DYSF: variants seen among roughly 807,000 people sequenced by gnomAD.
DYSF encodes the protein dystrophy-associated fer-1-like 1.
A neutral mutation model predicts 274.9 loss-of-function variants in DYSF; 212 were observed. The ratio of observed to expected loss-of-function variants is 0.77; its 90% CI spans 0.69 to 0.86. The LOEUF (loss-of-function observed/expected upper bound fraction) is 0.86. DYSF is among the 40% of genes least tolerant of loss of function. The probability of loss-of-function intolerance (pLI) is 0.00; values close to 1 mark genes in which losing one functional copy is unlikely to be tolerated. For missense variants in DYSF, 2,666 were observed against 2,783.2 expected, an observed-to-expected ratio of 0.96 and a Z score of 0.95; for synonymous variants, 1,091 against 1,078.7, an observed-to-expected ratio of 1.01 and a Z score of -0.22.
intron 30 of DYSF, 95 bp downstream of exon 30, chr2:71,574,466 G>A (rs775251742): frequency 6.7e-7 from 1 of 1,483,028 alleles, no homozygotes; most frequent in African/African-American, 1.4e-5. Flanking sequence ...GGGACCCCAG[G>A]TTAGGACTTT....
chr2:71,573,079 C>T (rs962314961), intron 29 of DYSF, among the ~76,000 whole-genome samples: 7 of 152,248 alleles, frequency 4.6e-5, no homozygotes, highest in African/African-American at 1.7e-4. Context: ...TTCCTAAACA[C>T]ACATTTGAAT....
chr2:71,615,392 T>A lies in DYSF; in HGVS notation c.4464+1982T>A, dbSNP rs2093858523. On this transcript the variant is annotated intron_variant, in intron 40 of 55. Coordinates refer to ENST00000410020, the MANE Select transcript of DYSF (RefSeq NM_001130987.2). The surrounding 1 kb of genome is among the most constrained non-coding windows in gnomAD (Gnocchi z 4.9). ...ACAGGGGAGGAGGAGGAAATGACAC[T>A]GATTTGCTCTGATGGGGGAGGCTTG... Among the ~76,000 whole-genome samples the A allele has an allele frequency of 6.6e-6, 1 of 152,036 alleles. No homozygotes were observed. The highest frequency in any genetic ancestry group is 1.5e-5 in the Non-Finnish European group (1 of 67,994).
intron 47 of DYSF, among the ~76,000 whole-genome samples, chr2:71,665,957 C>T (rs1325900156): frequency 6.6e-6 from 1 of 152,202 alleles, no homozygotes; most frequent in East Asian, 1.9e-4. Flanking sequence ...CCCCTTGCCT[C>T]CTGGTTGCTT....
Position 71,480,752 on chromosome 2 carries a change from G to A in DYSF, c.92-131G>A, listed in dbSNP as rs549265211. 11 of 802,928 alleles carry A rather than the reference G, an allele frequency of 1.4e-5. No homozygotes were observed. In the Admixed American group the frequency reaches 1.8e-4, roughly 13 times the overall value. 49.7% of individuals were successfully genotyped at this position (802,928 alleles called of 1,614,324 possible). ...TCATTGCAGACTGGCGGGTTCTCAG[G>A]GAATCTGTTGATTTTGTAAGATTTC... On this transcript the variant is annotated intron_variant, in intron 1 of 55. Coordinates refer to ENST00000410020, the MANE Select transcript of DYSF (RefSeq NM_001130987.2).
At chr2:71,470,187 TC>T (rs1444246534) in intron 1 of DYSF, among the ~76,000 whole-genome samples, 10 of 152,046 alleles carry the variant, frequency 6.6e-5, no homozygotes, top group African/African-American at 2.4e-4. Context: ...AGCCTCCCCC[TC>T]CCACCTCTTC....
rs762255707 is a variant in DYSF, at chr2:71,528,335, T to G, written c.1314T>G (p.Phe438Leu). ...TGATGGACAACGTGAAACAGATCTT[T>G]GGCTTCGAGAGTAACAAGAAGAACT... ...DAVMDNVKQI[F>L]GFESNKKNLV... The change falls in exon 14 of 56, where the codon TTT (phenylalanine) becomes TTG (leucine). Residue 438 changes from phenylalanine (F) to leucine (L), a missense_variant. Around this residue, in one of 3 missense-constraint regions of DYSF, gnomAD observed 794 missense variants for 777.1 expected, o/e 1.02. Coordinates refer to ENST00000410020, the MANE Select transcript of DYSF (RefSeq NM_001130987.2). 1.9e-6 allele frequency: 3 copies of G among 1,614,178 alleles called. No homozygotes were observed. In the South Asian group the frequency reaches 3.3e-5, roughly 18 times the overall value.
At chr2:71,618,632 T>TGTGG (rs2094007439) in intron 40 of DYSF, among the ~76,000 whole-genome samples, 12 of 106,624 alleles carry the variant, frequency 1.1e-4, no homozygotes, top group South Asian at 3.2e-4. Context: ...GGTGTGTGTG[T>TGTGG]TACAGGAGGT....
intron 53 of DYSF, 126 bp downstream of exon 53, chr2:71,679,361 C>T (rs1450961479): frequency 5.4e-6 from 5 of 918,400 alleles, no homozygotes; most frequent in Admixed American, 2.3e-5. Context: ...CCTCTCCTGC[C>T]CCCATCCCCC....
Position 71,530,138 on chromosome 2 carries a change from G to A in DYSF, c.1380+1737G>A, listed in dbSNP as rs79549287. On this transcript the variant is annotated intron_variant, in intron 14 of 55. Transcript: ENST00000410020. ...TGTAGACTCAGGGTCCAGGTCTTACGCCCTGCGCCTGGCATCAGGAGGAAT... is the reference window on the plus strand; with the variant it reads ...TGTAGACTCAGGGTCCAGGTCTTACACCCTGCGCCTGGCATCAGGAGGAAT... 6.1e-3 allele frequency among the ~76,000 whole-genome samples: 872 copies of A among 143,352 alleles called. 8 individuals carry two copies. Among genetic ancestry groups the A allele is most frequent in the African/African-American group, 0.02 (825 of 40,492 alleles). The allele number at this position is 143,352 out of a possible 152,430, so 94.0% of individuals were successfully genotyped here.
At position 71,515,508 on chromosome 2, in the gene DYSF, T is replaced by G. The variant is rs909415043; in HGVS notation, c.760-115T>G. On this transcript the variant is annotated intron_variant, in intron 7 of 55. Coordinates refer to ENST00000410020, the MANE Select transcript of DYSF (RefSeq NM_001130987.2). ...TCTTCCTAATTCCTTTTTAATACTTTCCCCAAGAAGCCAGTGGTGAGATGG... is the reference window on the plus strand; with the variant it reads ...TCTTCCTAATTCCTTTTTAATACTTGCCCCAAGAAGCCAGTGGTGAGATGG... 2.7e-6 allele frequency: 4 copies of G among 1,468,482 alleles called. No individual in the cohort carries two copies. The African/African-American group carries it at 5.6e-5, about 21-fold the overall frequency. The allele number at this position is 1,468,482 out of a possible 1,614,324, so 91.0% of individuals were successfully genotyped here.
intron 13 of DYSF, among the ~76,000 whole-genome samples, chr2:71,526,670 C>G (rs530162355): frequency 2.6e-5 from 4 of 152,246 alleles, no homozygotes; most frequent in Admixed American, 6.5e-5. Context: ...AGGGCTGGCT[C>G]TCACTGATTT....
At chr2:71,594,210 G>C (rs1343952440) in intron 32 of DYSF, among the ~76,000 whole-genome samples, 2 of 152,082 alleles carry the variant, frequency 1.3e-5, no homozygotes, top group African/African-American at 2.4e-5. Flanking sequence ...TCTTGCTTTT[G>C]GGTTTCCCAA....
intron 12 of DYSF, 34 bp downstream of exon 12, chr2:71,520,938 C>T: frequency 6.3e-7 from 1 of 1,596,872 alleles, no homozygotes; most frequent in Non-Finnish European, 8.6e-7. Context: ...CCTTACGGTC[C>T]CCCACGCGGC....
intron 20 of DYSF, 54 bp from the exon 21 acceptor site, chr2:71,553,753 T>TTCCCCCCCCC: frequency 1.8e-6 from 1 of 567,528 alleles, no homozygotes; most frequent in Non-Finnish European, 3.0e-6. Flanking sequence ...TAGCACCCCA[T>TTCCCCCCCCC]CCCACCCGCC....
At chr2:71,462,109 G>A (rs536470047), upstream of DYSF, among the ~76,000 whole-genome samples, 8 of 152,324 alleles carry the variant, frequency 5.3e-5, no homozygotes, top group African/African-American at 1.4e-4. Flanking sequence ...TGCCCACTCA[G>A]CCTGGCAGGC....
intron 10 of DYSF, among the ~76,000 whole-genome samples, chr2:71,517,411 G>T (rs1431320289): frequency 6.6e-6 from 1 of 152,142 alleles, no homozygotes; most frequent in Admixed American, 6.5e-5. Flanking sequence ...CCACCCTCAG[G>T]TCAGGGGACT....
intron 3 of DYSF, among the ~76,000 whole-genome samples, chr2:71,484,358 T>C (rs2083198226): frequency 6.6e-6 from 1 of 152,032 alleles, no homozygotes; most frequent in Admixed American, 6.6e-5. Flanking sequence ...TGGCCAGAGA[T>C]TTCCTTTAAA....
chr2:71,667,961 G>C (rs1304528251), intron 48 of DYSF, among the ~76,000 whole-genome samples: 1 of 152,128 alleles, frequency 6.6e-6, no homozygotes, highest in African/African-American at 2.4e-5. Flanking sequence ...CACCCACAGA[G>C]AGCAGTCCTC....
intron 30 of DYSF, among the ~76,000 whole-genome samples, chr2:71,580,401 G>A (rs574098334): frequency 1.1e-4 from 17 of 152,368 alleles, no homozygotes; most frequent in African/African-American, 4.1e-4. Flanking sequence ...TCAGGGAAAG[G>A]CTGGTTCCAG....
Sources: gnomAD v4.1 joint callset for allele counts (sites outside exome capture counted in the v4.1 genomes callset) on GRCh38, gnomAD v4.1.1 for gene constraint, gnomAD v4.1.1 regional missense constraint, Gnocchi (gnomAD v3.1) non-coding constraint, MANE v1.5 for transcripts, NCBI Gene and HGNC (gene_info 2026-07-23, HGNC 2026-07-21) for gene names.